UGGT1: variants seen among roughly 807,000 people sequenced by gnomAD.
The protein encoded by UGGT1 is UDP-glucose glycoprotein glucosyltransferase 1, also known as UDP-glucose:glycoprotein glucosyltransferase 1.
A neutral mutation model predicts 203.9 loss-of-function variants in UGGT1; 107 were observed. The observed-to-expected ratio is 0.52, with a 90% CI of 0.45 to 0.62. The LOEUF is 0.62. Among genes scored for constraint, UGGT1 ranks in the 20% least tolerant of loss-of-function variants. The pLI is 0.00. For synonymous variants in UGGT1, 628 were observed against 653.5 expected, an observed-to-expected ratio of 0.96 and a Z score of 0.59; for missense variants, 1,673 against 1,867.2, an observed-to-expected ratio of 0.90 and a Z score of 1.92.
At chr2:128,178,288 T>A (rs1046780834) in intron 33 of UGGT1, among the ~76,000 whole-genome samples, 180 bp from the exon 34 acceptor site, 4 of 152,208 alleles carry the variant, frequency 2.6e-5, no homozygotes, top group Non-Finnish European at 5.9e-5. Context: ...ATTCTTTTTG[T>A]AGGTTGGTTT....
chr2:128,115,778 ATTTCT>A (rs1279202233), intron 7 of UGGT1, among the ~76,000 whole-genome samples: 1 of 151,996 alleles, frequency 6.6e-6, no homozygotes, highest in Non-Finnish European at 1.5e-5. Context: ...CTATTTTTTC[ATTTCT>A]TTTATGCTTA....
chr2:128,136,864 C>T (rs1348568762), intron 15 of UGGT1, among the ~76,000 whole-genome samples: 2 of 152,164 alleles, frequency 1.3e-5, no homozygotes, highest in South Asian at 2.1e-4. Context: ...CACAGCCTTG[C>T]CAGCATTTGG....
chr2:128,139,941 G>T, intron 16 of UGGT1: 1 of 153,810 alleles, frequency 6.5e-6, no homozygotes, highest in South Asian at 1.8e-4. Flanking sequence ...GGAGAAGAGT[G>T]ACTGGCAGAA....
At chr2:128,174,904 T>G in intron 31 of UGGT1, 46 bp downstream of exon 31, 1 of 1,543,546 alleles carries the variant, frequency 6.5e-7, no homozygotes, top group Non-Finnish European at 8.9e-7. Flanking sequence ...CTTTTAGAAA[T>G]GAGCATTAGC....
chr2:128,120,337 A>G lies in UGGT1; in HGVS notation c.873-19A>G, dbSNP rs2105388307. 6.2e-7 allele frequency: 1 copy of G among 1,603,580 alleles called. No homozygotes were observed. The highest frequency in any genetic ancestry group is 2.2e-5 in the East Asian group (1 of 44,816). ...AAAGAAAAAATAATGAAAAGGACTG[A>G]TTTTTATGTTTCTTTTAGAGATCTG... On this transcript the variant is annotated intron_variant, in intron 8 of 40. Transcript: ENST00000259253.
intron 5 of UGGT1, 42 bp from the exon 6 acceptor site, chr2:128,113,042 C>T: frequency 7.0e-7 from 1 of 1,438,514 alleles, no homozygotes. Context: ...TAGTGTTTCA[C>T]AATTATTTTT....
intron 2 of UGGT1, chr2:128,102,997 G>T (rs1687447928): frequency 6.5e-6 from 3 of 461,858 alleles, no homozygotes; most frequent in Non-Finnish European, 1.3e-5. Context: ...TTATGATAAT[G>T]GGTATTTTCA....
chr2:128,153,578 C>G (rs568674183), intron 19 of UGGT1, among the ~76,000 whole-genome samples: 8 of 152,236 alleles, frequency 5.3e-5, no homozygotes, highest in Middle Eastern at 3.4e-3. Flanking sequence ...ATGGATTTGC[C>G]TATTCTAGAC....
intron 25 of UGGT1, among the ~76,000 whole-genome samples, chr2:128,162,131 G>A (rs1690556565): frequency 6.6e-6 from 1 of 151,938 alleles, no homozygotes; most frequent in Non-Finnish European, 1.5e-5. Flanking sequence ...GATTGGTGAT[G>A]TTGAGCATCT....
chr2:128,169,048 T>A (rs1161431979), intron 26 of UGGT1, among the ~76,000 whole-genome samples: 6 of 52,564 alleles, frequency 1.1e-4, no homozygotes, highest in South Asian at 5.1e-4. Context: ...ACTCTGTCTT[T>A]AAAAAAAAAA....
intron 28 of UGGT1, among the ~76,000 whole-genome samples, chr2:128,172,163 C>A (rs1342558033): frequency 6.6e-6 from 1 of 152,178 alleles, no homozygotes; most frequent in African/African-American, 2.4e-5. Flanking sequence ...AATGAGTCCT[C>A]CTTGAAGGGA....
chr2:128,093,517 G>A (rs903568616), intron 1 of UGGT1, among the ~76,000 whole-genome samples: 1 of 152,096 alleles, frequency 6.6e-6, no homozygotes, highest in Non-Finnish European at 1.5e-5. Flanking sequence ...GGATTGCTTC[G>A]GTCCCAGCTT....
rs567102366 is a variant in UGGT1 at position 128,184,977 on chromosome 2, C to T, written c.4359+1188C>T. ...GATTACAATCACGAGCCACAGTGCCCGGCTCTACTTACTTTAAAATTTGTG... is the reference window on the plus strand; with the variant it reads ...GATTACAATCACGAGCCACAGTGCCTGGCTCTACTTACTTTAAAATTTGTG... On this transcript the variant is annotated intron_variant, in intron 38 of 40. Coordinates refer to ENST00000259253, the MANE Select transcript of UGGT1 (RefSeq NM_020120.4). Among the ~76,000 whole-genome samples, 16 of 152,150 alleles carry T rather than the reference C, an allele frequency of 1.1e-4. No individual in the cohort carries two copies. The South Asian group carries it at 1.2e-3, about 12-fold the overall frequency.
intron 18 of UGGT1, among the ~76,000 whole-genome samples, chr2:128,149,747 C>T (rs1216104298): frequency 6.6e-6 from 1 of 150,608 alleles, no homozygotes; most frequent in East Asian, 2.0e-4. Context: ...GATTGCGCCA[C>T]TGCACTCCAG....
Position 128,167,358 on chromosome 2 carries a change from T to C in UGGT1, c.2921+2533T>C, listed in dbSNP as rs140531253. 5.4e-3 allele frequency among the ~76,000 whole-genome samples: 817 copies of C among 152,374 alleles called. 12 individuals carry two copies. The highest frequency in any genetic ancestry group is 0.017 in the African/African-American group (724 of 41,586). On this transcript the variant is annotated intron_variant, in intron 26 of 40. Transcript: ENST00000259253. ...GAGAAGTTCCTCTTATTGGGAGTTGTGTCAGTTAAATGAATGTTTATTACA... is the reference window on the plus strand; with the variant it reads ...GAGAAGTTCCTCTTATTGGGAGTTGCGTCAGTTAAATGAATGTTTATTACA...
Position 128,177,842 on chromosome 2 carries a change from A to C in UGGT1, c.3635A>C (p.Lys1212Thr). 1.9e-6 allele frequency: 3 copies of C among 1,599,814 alleles called. No individual in the cohort carries two copies. Among genetic ancestry groups the C allele is most frequent in the Non-Finnish European group, 2.6e-6 (3 of 1,174,052 alleles). ...SKIIKVKVQKKADMVNEDLLS... is the reference protein window; with the variant it reads ...SKIIKVKVQKTADMVNEDLLS... ...CACATTTGATTGCAGGTTCAGAAGA[A>C]GGCAGATATGGTGAACGAAGACTTG... Residue 1212 changes from lysine (K) to threonine (T), a missense_variant, in exon 33 of 41, where the codon AAG (lysine) becomes ACG (threonine). Lys to Thr is a moderately conservative substitution (Grantham distance 78). Transcript: ENST00000259253.
chr2:128,164,646 T>C, intron 25 of UGGT1, 84 bp from the exon 26 acceptor site: 1 of 1,096,388 alleles, frequency 9.1e-7, no homozygotes, highest in Admixed American at 1.8e-5. Context: ...TAGAATTCAG[T>C]ATTTGGGCTG....
At chr2:128,173,683 A>C (rs2104790647) in intron 29 of UGGT1, 98 bp from the exon 30 acceptor site, 1 of 1,325,010 alleles carries the variant, frequency 7.5e-7, no homozygotes, top group South Asian at 1.4e-5. Flanking sequence ...TATATTATGT[A>C]AGTCCTTTTT....
intron 38 of UGGT1, among the ~76,000 whole-genome samples, chr2:128,186,123 G>C (rs1279317062): frequency 6.6e-6 from 1 of 152,228 alleles, no homozygotes; most frequent in East Asian, 1.9e-4. Context: ...GGTGCAGGCT[G>C]TTTGTAAGTT....
Sources: gnomAD v4.1 joint callset for allele counts (sites outside exome capture counted in the v4.1 genomes callset) on GRCh38, gnomAD v4.1.1 for gene constraint, MANE v1.5 for transcripts, NCBI Gene and HGNC (gene_info 2026-07-23, HGNC 2026-07-21) for gene names.